The following CDHR3 variants were observed in gnomAD, a reference collection of about 807,000 sequenced individuals.
CDHR3 encodes the protein cadherin-related family member 3.
In CDHR3, 79 loss-of-function variants were observed where a neutral mutation model predicts 86.6. The observed-to-expected ratio is 0.91, with a 90% CI of 0.76 to 1.10. The LOEUF is 1.10. CDHR3 is among the 50% of genes least tolerant of loss of function. The probability of loss-of-function intolerance (pLI) is 0.00; values close to 1 mark genes in which losing one functional copy is unlikely to be tolerated. For missense variants in CDHR3, 1,081 were observed against 1,077.6 expected, an observed-to-expected ratio of 1.00 and a Z score of -0.04; for synonymous variants, 421 against 402.4, an observed-to-expected ratio of 1.05 and a Z score of -0.55.
At chr7:106,018,176 G>A in intron 12 of CDHR3, 104 bp downstream of exon 12, 1 of 810,958 alleles carries the variant, frequency 1.2e-6, no homozygotes. Flanking sequence ...ACTTCCCAGG[G>A]TACATCCTGC....
At chr7:106,010,991 G>T (rs1374637680) in intron 8 of CDHR3, among the ~76,000 whole-genome samples, 1 of 152,200 alleles carries the variant, frequency 6.6e-6, no homozygotes, top group Admixed American at 6.5e-5. Context: ...ACCAGTTGTT[G>T]GTACGTGGCC....
chr7:105,983,978 G>T (rs1222755296), intron 3 of CDHR3, among the ~76,000 whole-genome samples: 2 of 152,164 alleles, frequency 1.3e-5, no homozygotes, highest in African/African-American at 4.8e-5. Flanking sequence ...CTTGGTACCA[G>T]CTTGGCCAAC....
At position 106,030,615 on chromosome 7, in the gene CDHR3, C is replaced by T. The variant is rs1838184520; in HGVS notation, c.2305-177C>T. Among the ~76,000 whole-genome samples, 1 of 152,240 alleles carries T rather than the reference C, an allele frequency of 6.6e-6. No homozygotes were observed. The highest frequency in any genetic ancestry group is 2.1e-4 in the South Asian group (1 of 4,832). The stretch of plus-strand genomic sequence containing the variant: ...TTGTAATTGGCAAGCTTTGTACAGG[C>T]AGTGACTATGCCTGCCTTGTTCATC... On this transcript the variant is annotated intron_variant, in intron 17 of 18. Transcript: ENST00000317716. The surrounding 1 kb of genome is among the most constrained non-coding windows in gnomAD (Gnocchi z 4.8).
In CDHR3 at chr7:106,018,057, C is replaced by CCCT; in HGVS notation, c.1638_1639insCCT (p.Asp546_Thr547insPro). 1 of 1,613,686 alleles carries CCCT rather than the reference C, an allele frequency of 6.2e-7. No homozygotes were observed. The highest frequency in any genetic ancestry group is 8.5e-7 in the Non-Finnish European group (1 of 1,179,718). On this transcript the variant is annotated inframe_insertion, in exon 12 of 19. Transcript: ENST00000317716. ...GAATCCAGGCCACCAACAACGAAGA[C>CCCT]ACAAGCTCTGTCACTGTGAGTGGTG...
chr7:106,028,918 T>TTCTTTCTTTCTTTCTC (rs1563311712), intron 17 of CDHR3, among the ~76,000 whole-genome samples: 8 of 58,526 alleles, frequency 1.4e-4, no homozygotes, highest in Non-Finnish European at 2.4e-4. Flanking sequence ...GATTTAAATT[T>TTCTTTCTTTCTTTCTC]TCTTTCTTTC....
chr7:106,007,654 T>C (rs950446084), intron 8 of CDHR3, among the ~76,000 whole-genome samples: 1 of 152,250 alleles, frequency 6.6e-6, no homozygotes, highest in Non-Finnish European at 1.5e-5. Context: ...CACCTCAGCC[T>C]GGATTTAATT....
intron 4 of CDHR3, among the ~76,000 whole-genome samples, chr7:105,992,258 G>T (rs76315916): frequency 7.8e-4 from 119 of 152,286 alleles, no homozygotes; most frequent in African/African-American, 2.7e-3. Flanking sequence ...AGGACGCCCT[G>T]ATTCAGGTAC....
rs570399300 is a variant in CDHR3 at position 105,993,195 on chromosome 7, T to C, written c.514-1556T>C. On this transcript the variant is annotated intron_variant, in intron 4 of 18. Coordinates refer to ENST00000317716, the MANE Select transcript of CDHR3 (RefSeq NM_152750.5). ...ATCCTAGCAGGAAATAATGAAACCTTCTAACCTTAAAGCCCTTTGGAAGAA... is the reference window on the plus strand; with the variant it reads ...ATCCTAGCAGGAAATAATGAAACCTCCTAACCTTAAAGCCCTTTGGAAGAA... Among the ~76,000 whole-genome samples, 5 of 152,328 alleles carry C rather than the reference T, an allele frequency of 3.3e-5. No homozygotes were observed. In the East Asian group the frequency reaches 9.6e-4, roughly 29 times the overall value.
At chr7:105,975,732 C>T (rs1253300098) in intron 2 of CDHR3, among the ~76,000 whole-genome samples, 2 of 152,142 alleles carry the variant, frequency 1.3e-5, no homozygotes, top group South Asian at 4.1e-4. Context: ...CTTTAGGGTC[C>T]CATGTCTGGA....
intron 1 of CDHR3, among the ~76,000 whole-genome samples, chr7:105,974,064 TAC>T (rs1185743418): frequency 6.6e-6 from 1 of 152,214 alleles, no homozygotes; most frequent in African/African-American, 2.4e-5. Flanking sequence ...GCTGAGAGAA[TAC>T]AGCTTGTTCC....
intron 1 of CDHR3, among the ~76,000 whole-genome samples, chr7:105,969,212 C>A (rs1333170943): frequency 6.7e-6 from 1 of 149,686 alleles, no homozygotes; most frequent in African/African-American, 2.5e-5. Flanking sequence ...CTGGCTAACA[C>A]GGTGAAACCC....
chr7:106,022,072 G>A, intron 13 of CDHR3, 126 bp from the exon 14 acceptor site: 5 of 1,179,026 alleles, frequency 4.2e-6, no homozygotes, highest in Non-Finnish European at 6.0e-6. Context: ...TGGTGTATCA[G>A]AGACACAGTC....
At chr7:106,003,856 GA>G (rs1466047997) in intron 7 of CDHR3, among the ~76,000 whole-genome samples, 1 of 151,926 alleles carries the variant, frequency 6.6e-6, no homozygotes, top group Non-Finnish European at 1.5e-5. Flanking sequence ...AACCATGGTT[GA>G]GAATTCTGTT....
intron 6 of CDHR3, among the ~76,000 whole-genome samples, chr7:105,999,586 C>A (rs1007239830): frequency 1.3e-5 from 2 of 152,152 alleles, no homozygotes; most frequent in Non-Finnish European, 2.9e-5. Flanking sequence ...CACCCCCGGC[C>A]CCCCAGCTGA....
chr7:105,994,998 G>A (rs970244826), intron 5 of CDHR3, among the ~76,000 whole-genome samples, 153 bp downstream of exon 5: 1 of 152,232 alleles, frequency 6.6e-6, no homozygotes, highest in Non-Finnish European at 1.5e-5. Context: ...GTGAACCCCA[G>A]AGAGGGATGG....
intron 1 of CDHR3, 81 bp downstream of exon 1, chr7:105,963,445 A>T: frequency 6.9e-7 from 1 of 1,456,788 alleles, no homozygotes. Context: ...TCCCCCAGAA[A>T]GGAAATTGCC....
chr7:105,991,595 C>A (rs1437868818), intron 4 of CDHR3, among the ~76,000 whole-genome samples: 1 of 152,152 alleles, frequency 6.6e-6, no homozygotes, highest in East Asian at 1.9e-4. Context: ...TTATTACATT[C>A]AAATATTTTT....
rs1226334787 is a variant in CDHR3, at chr7:106,033,147, C to T, written c.*450C>T. 6.3e-6 allele frequency: 1 copy of T among 159,940 alleles called. No individual in the cohort carries two copies. Among genetic ancestry groups the T allele is most frequent in the African/African-American group, 2.4e-5 (1 of 41,558 alleles). The allele number at this position is 159,940 out of a possible 1,614,324, so 9.9% of individuals were successfully genotyped here. ...TTTCTTCAGTTATAAATATGCCATA[C>T]ACCTTTGTAAGTCACCTCAAATCTT... On this transcript the variant is annotated 3_prime_UTR_variant, in exon 19 of 19. Transcript: ENST00000317716.
At chr7:105,980,834 C>A in intron 2 of CDHR3, 134 bp from the exon 3 acceptor site, 1 of 781,600 alleles carries the variant, frequency 1.3e-6, no homozygotes, top group Non-Finnish European at 2.1e-6. Context: ...ACAACTGGTT[C>A]CTCTGACAGT....
Sources: allele counts gnomAD v4.1 joint callset (sites outside exome capture counted in the v4.1 genomes callset), GRCh38; gene constraint gnomAD v4.1.1; non-coding constraint Gnocchi (gnomAD v3.1); transcripts MANE v1.5; gene names NCBI Gene and HGNC (gene_info 2026-07-23, HGNC 2026-07-21).